The following SETD2 variants were observed in gnomAD, a reference collection of about 807,000 sequenced individuals.
SETD2 encodes the protein histone-lysine N-methyltransferase SETD2.
Under a neutral mutation model 242.1 loss-of-function variants are expected in SETD2, and 31 were observed. The observed-to-expected ratio is 0.13, with a 90% confidence interval of 0.10 to 0.17. The LOEUF (loss-of-function observed/expected upper bound fraction) is 0.17, where lower values mean the gene tolerates loss of function less well. Among genes scored for constraint, SETD2 ranks in the 10% least tolerant of loss-of-function variants. SETD2 has a pLI of 1.00. For synonymous variants in SETD2, 1,006 were observed against 1,066.5 expected, an observed-to-expected ratio of 0.94 and a Z score of 1.11; for missense variants, 2,481 against 3,046.3, an observed-to-expected ratio of 0.81 and a Z score of 4.37.
intron 5 of SETD2, 146 bp from the exon 6 acceptor site, chr3:47,106,266 C>T (rs1483934657): frequency 1.4e-6 from 1 of 691,674 alleles, no homozygotes; most frequent in African/African-American, 1.8e-5. Context: ...AAACACATGT[C>T]AAGTATCTAG....
chr3:47,109,112 G>A (rs1166410320), intron 5 of SETD2, among the ~76,000 whole-genome samples: 1 of 152,046 alleles, frequency 6.6e-6, no homozygotes, highest in East Asian at 1.9e-4. Context: ...CAGGTGGGTG[G>A]GGACAGAAAT....
intron 1 of SETD2, among the ~76,000 whole-genome samples, chr3:47,134,674 G>C (rs1182801810): frequency 6.6e-6 from 1 of 151,760 alleles, no homozygotes; most frequent in Non-Finnish European, 1.5e-5. Flanking sequence ...CTGGTGCCCA[G>C]ACTGGAGTGC....
At chr3:47,066,185 C>T (rs2040549285) in intron 13 of SETD2, among the ~76,000 whole-genome samples, 1 of 152,138 alleles carries the variant, frequency 6.6e-6, no homozygotes, top group African/African-American at 2.4e-5. Flanking sequence ...TTCTTAATAA[C>T]ATTTTTATCT....
chr3:47,084,824 T>A (rs760091460), intron 11 of SETD2, among the ~76,000 whole-genome samples: 35 of 151,206 alleles, frequency 2.3e-4, no homozygotes, highest in Admixed American at 1.1e-3. Flanking sequence ...TCTGGCTCCC[T>A]GGTTTAAGCG....
chr3:47,101,381 T>C (rs932433550), intron 8 of SETD2, 77 bp downstream of exon 8: 4 of 769,060 alleles, frequency 5.2e-6, no homozygotes, highest in Non-Finnish European at 8.8e-6. Context: ...GTAATTTATA[T>C]TAAAGTTTTA....
chr3:47,017,059 C>A lies in SETD2; in HGVS notation c.*34G>T, dbSNP rs1167155955. 1 of 1,609,164 alleles carries A rather than the reference C, an allele frequency of 6.2e-7. No individual in the cohort carries two copies. The highest frequency in any genetic ancestry group is 1.3e-5 in the African/African-American group (1 of 74,814). On this transcript the variant is annotated 3_prime_UTR_variant, in exon 21 of 21. Coordinates refer to ENST00000409792, the MANE Select transcript of SETD2 (RefSeq NM_014159.7). The surrounding 1 kb of genome is among the most constrained non-coding windows in gnomAD (Gnocchi z 4.8). ...TTTCCTCTCCCTAGAGTCTGTCTTA[C>A]CTGACCACCCATCCTCCCACCCTGG...
intron 1 of SETD2, among the ~76,000 whole-genome samples, chr3:47,148,275 C>A (rs1202913487): frequency 1.3e-5 from 2 of 152,012 alleles, no homozygotes; most frequent in African/African-American, 4.8e-5. Context: ...GGATTACAGG[C>A]ACCCACTGCC....
At chr3:47,148,078 TAACC>T (rs1046315822) in intron 1 of SETD2, among the ~76,000 whole-genome samples, 5 of 151,582 alleles carry the variant, frequency 3.3e-5, no homozygotes, top group African/African-American at 4.9e-5. Flanking sequence ...AACTATAACA[TAACC>T]AACTGAAACT....
intron 18 of SETD2, among the ~76,000 whole-genome samples, chr3:47,028,488 C>A (rs1201567194): frequency 6.6e-6 from 1 of 152,082 alleles, no homozygotes; most frequent in Non-Finnish European, 1.5e-5. Context: ...AGGAGATACC[C>A]TAGAGAAAAA....
intron 1 of SETD2, among the ~76,000 whole-genome samples, chr3:47,136,545 C>T (rs138005182): frequency 6.6e-6 from 1 of 152,248 alleles, no homozygotes; most frequent in African/African-American, 2.4e-5. Flanking sequence ...AACAAAAGAC[C>T]AAATACTAAA....
chr3:47,067,392 C>G lies in SETD2; in HGVS notation c.6061-274G>C, dbSNP rs537625446. On this transcript the variant is annotated intron_variant, in intron 12 of 20. Transcript: ENST00000409792. Reference sequence around the variant, plus strand: ...CATACTAAATGACTGGGCAAGGATACGCTTCCTGAGCATCTTTTTTTTTTT... The same window carrying G: ...CATACTAAATGACTGGGCAAGGATAGGCTTCCTGAGCATCTTTTTTTTTTT... Among the ~76,000 whole-genome samples, 6 of 147,766 alleles carry G rather than the reference C, an allele frequency of 4.1e-5. No individual in the cohort carries two copies. The East Asian group carries it at 1.2e-3, about 29-fold the overall frequency.
chr3:47,022,484 C>A (rs2038275704), intron 18 of SETD2, among the ~76,000 whole-genome samples: 1 of 152,114 alleles, frequency 6.6e-6, no homozygotes, highest in Non-Finnish European at 1.5e-5. Context: ...GCCTGGGCAA[C>A]AGAGTGAAAT....
At chr3:47,020,954 T>C (rs2038191510) in intron 18 of SETD2, among the ~76,000 whole-genome samples, 2 of 152,238 alleles carry the variant, frequency 1.3e-5, no homozygotes, top group Non-Finnish European at 2.9e-5. Flanking sequence ...ATAAAAGCTT[T>C]ACGTATTTTC....
chr3:47,121,962 C>T lies in SETD2; in HGVS notation c.2674G>A (p.Val892Met), dbSNP rs757635668. The T allele has an allele frequency of 2.5e-6, 4 of 1,613,862 alleles. No homozygotes were observed. Among genetic ancestry groups the T allele is most frequent in the East Asian group, 4.5e-5 (2 of 44,886 alleles). ...CATTTCAAGAGAGTTAGACTGTCCA[C>T]CTTTATTCCTGGTGGAAGACTCTGA... Reference protein sequence around the residue: ...SLQSLPPGIKVDSLTLLKCGE... With the variant: ...SLQSLPPGIKMDSLTLLKCGE... Residue 892 changes from valine (V) to methionine (M), a missense_variant, in exon 3 of 21, where the codon GTG becomes ATG. Coordinates refer to ENST00000409792, the MANE Select transcript of SETD2 (RefSeq NM_014159.7).
At chr3:47,039,213 CTT>C (rs544216160) in intron 17 of SETD2, among the ~76,000 whole-genome samples, 4 of 144,246 alleles carry the variant, frequency 2.8e-5, no homozygotes, top group Non-Finnish European at 3.1e-5. Flanking sequence ...GAAATACAAA[CTT>C]TTTTTTTTTT....
At chr3:47,018,903 C>A (rs982852311) in intron 19 of SETD2, among the ~76,000 whole-genome samples, 1 of 152,232 alleles carries the variant, frequency 6.6e-6, no homozygotes, top group African/African-American at 2.4e-5. Context: ...GTTAGATCCC[C>A]TGCTGATCCA....
At chr3:47,028,661 A>C (rs1350337049) in intron 18 of SETD2, among the ~76,000 whole-genome samples, 2 of 152,240 alleles carry the variant, frequency 1.3e-5, no homozygotes, top group Non-Finnish European at 2.9e-5. Context: ...TCCAGTGTTC[A>C]ACTGAAAATA....
At chr3:47,115,518 T>C (rs2042818473) in intron 4 of SETD2, among the ~76,000 whole-genome samples, 1 of 152,184 alleles carries the variant, frequency 6.6e-6, no homozygotes, top group African/African-American at 2.4e-5. Context: ...ATATATTTTA[T>C]TTTTGCAACA....
intron 12 of SETD2, among the ~76,000 whole-genome samples, chr3:47,070,700 A>C (rs756615123): frequency 7.2e-5 from 11 of 152,230 alleles, no homozygotes; most frequent in Non-Finnish European, 1.2e-4. Flanking sequence ...CCCTTAATGT[A>C]AGATCACCTT....
Sources: gnomAD v4.1 joint callset for allele counts (sites outside exome capture counted in the v4.1 genomes callset) on GRCh38, gnomAD v4.1.1 for gene constraint, Gnocchi (gnomAD v3.1) non-coding constraint, MANE v1.5 for transcripts, NCBI Gene and HGNC (gene_info 2026-07-23, HGNC 2026-07-21) for gene names.